The following HIBADH variants were observed in gnomAD, a reference collection of about 807,000 sequenced individuals.
HIBADH encodes 3-hydroxyisobutyrate dehydrogenase, also known as 3-hydroxyisobutyrate dehydrogenase, mitochondrial.
A neutral mutation model predicts 36.1 loss-of-function variants in HIBADH; 25 were observed. The observed-to-expected ratio is 0.69, with a 90% CI of 0.50 to 0.97. The LOEUF is 0.97. Among genes scored for constraint, HIBADH ranks in the 50% least tolerant of loss-of-function variants. The pLI, the probability that HIBADH is intolerant of heterozygous loss-of-function variation, is 0.00. For missense variants in HIBADH, 421 were observed against 418.0 expected, an observed-to-expected ratio of 1.01 and a Z score of -0.06; for synonymous variants, 160 against 149.5, an observed-to-expected ratio of 1.07 and a Z score of -0.51.
At position 27,659,240 on chromosome 7, in the gene HIBADH, C is replaced by T. The variant is rs139238237; in HGVS notation, c.91+3458G>A. On this transcript the variant is annotated intron_variant, in intron 1 of 7. Transcript: ENST00000265395. ...CCATGTACAAGCTGTAGAGTCACAA[C>T]GTGACATTTTGTAGAGGGCCTATAG... Among the ~76,000 whole-genome samples, 393 of 152,238 alleles carry T rather than the reference C, an allele frequency of 2.6e-3. 1 individual carries two copies. Among genetic ancestry groups the T allele is most frequent in the African/African-American group, 9.0e-3 (372 of 41,532 alleles).
chr7:27,597,014 T>C (rs1324576339), intron 4 of HIBADH, among the ~76,000 whole-genome samples: 2 of 152,106 alleles, frequency 1.3e-5, no homozygotes, highest in Non-Finnish European at 2.9e-5. Context: ...TTTTTTTAAA[T>C]ATTAAGGCAA....
At chr7:27,618,414 A>C (rs1333345752) in intron 4 of HIBADH, among the ~76,000 whole-genome samples, 1 of 152,214 alleles carries the variant, frequency 6.6e-6, no homozygotes, top group Non-Finnish European at 1.5e-5. Context: ...TATTGCAGCC[A>C]CAACCAGTAT....
intron 4 of HIBADH, among the ~76,000 whole-genome samples, chr7:27,602,829 C>T (rs1785154953): frequency 1.3e-5 from 2 of 152,148 alleles, no homozygotes; most frequent in African/African-American, 4.8e-5. Context: ...CTCTTTCCTA[C>T]TATGTTTCGC....
intron 4 of HIBADH, among the ~76,000 whole-genome samples, chr7:27,552,797 G>A (rs1418972252): frequency 6.6e-6 from 1 of 152,164 alleles, no homozygotes; most frequent in African/African-American, 2.4e-5. Context: ...AATAGGACAA[G>A]GAAAAGCTCA....
intron 4 of HIBADH, among the ~76,000 whole-genome samples, chr7:27,564,896 T>C (rs1377165551): frequency 7.9e-5 from 12 of 152,254 alleles, no homozygotes; most frequent in Non-Finnish European, 1.5e-5. Flanking sequence ...AATAATGTTT[T>C]AAATGTCAGT....
At chr7:27,611,760 ACT>A (rs1785325798) in intron 4 of HIBADH, among the ~76,000 whole-genome samples, 1 of 152,074 alleles carries the variant, frequency 6.6e-6, no homozygotes, top group Non-Finnish European at 1.5e-5. Flanking sequence ...AATTGAACAA[ACT>A]CTGAGTGAAA....
chr7:27,655,373 A>G (rs1198103671), intron 1 of HIBADH, among the ~76,000 whole-genome samples: 1 of 152,236 alleles, frequency 6.6e-6, no homozygotes, highest in Non-Finnish European at 1.5e-5. Flanking sequence ...CATTAGGGTT[A>G]AAGTGTCATG....
chr7:27,590,915 AAT>A (rs1491402447), intron 4 of HIBADH, among the ~76,000 whole-genome samples: 1 of 152,168 alleles, frequency 6.6e-6, no homozygotes, highest in African/African-American at 2.4e-5. Context: ...TCAATCCTTG[AAT>A]ATCTCCCTCA....
chr7:27,646,750 C>T (rs1475635369), intron 2 of HIBADH, among the ~76,000 whole-genome samples: 1 of 135,326 alleles, frequency 7.4e-6, no homozygotes, highest in Non-Finnish European at 1.5e-5. Flanking sequence ...GGCTGGACTG[C>T]AGTGGTGCAA....
chr7:27,542,339 C>T (rs1320648370), intron 5 of HIBADH, among the ~76,000 whole-genome samples: 1 of 150,402 alleles, frequency 6.6e-6, no homozygotes, highest in African/African-American at 2.4e-5. Context: ...AATAGCAACT[C>T]AGAAACAAGC....
At chr7:27,531,027 G>T (rs1783990161) in intron 7 of HIBADH, among the ~76,000 whole-genome samples, 165 bp downstream of exon 7, 1 of 151,974 alleles carries the variant, frequency 6.6e-6, no homozygotes, top group Non-Finnish European at 1.5e-5. Context: ...ACAAGATAAG[G>T]ATTTTCATCT....
chr7:27,580,603 TTA>T (rs1784773704), intron 4 of HIBADH, among the ~76,000 whole-genome samples: 1 of 152,172 alleles, frequency 6.6e-6, no homozygotes, highest in African/African-American at 2.4e-5. Flanking sequence ...GTACTGCAAT[TTA>T]TATCTTTTTT....
chr7:27,572,589 A>G (rs1429288930), intron 4 of HIBADH, among the ~76,000 whole-genome samples: 2 of 152,234 alleles, frequency 1.3e-5, no homozygotes, highest in African/African-American at 4.8e-5. Flanking sequence ...AACTACATAC[A>G]GCAGTCAATC....
intron 4 of HIBADH, among the ~76,000 whole-genome samples, chr7:27,550,213 T>C (rs183034366): frequency 6.6e-6 from 1 of 152,234 alleles, no homozygotes; most frequent in East Asian, 1.9e-4. Context: ...CCAGCCAGCA[T>C]TTCTTATATA....
intron 4 of HIBADH, among the ~76,000 whole-genome samples, chr7:27,582,717 GTA>G (rs1784810834): frequency 6.6e-6 from 1 of 152,076 alleles, no homozygotes; most frequent in Non-Finnish European, 1.5e-5. Flanking sequence ...GTTTCCCAGA[GTA>G]AGAAGCTGGG....
At chr7:27,662,337 T>C (rs966385877) in intron 1 of HIBADH, among the ~76,000 whole-genome samples, 12 of 151,936 alleles carry the variant, frequency 7.9e-5, no homozygotes, top group African/African-American at 2.4e-4. Context: ...TGAGTGCGGG[T>C]TGCTCCTGGA....
chr7:27,581,515 C>G (rs1231467158), intron 4 of HIBADH, among the ~76,000 whole-genome samples: 1 of 152,102 alleles, frequency 6.6e-6, no homozygotes, highest in African/African-American at 2.4e-5. Flanking sequence ...TTATTCAATT[C>G]CTTTTACGGA....
intron 7 of HIBADH, among the ~76,000 whole-genome samples, chr7:27,527,916 GC>G (rs1227629789): frequency 6.6e-4 from 20 of 30,150 alleles, no homozygotes; most frequent in Admixed American, 5.2e-3. Flanking sequence ...ACCACACCCA[GC>G]GTTTTTTTTT....
At chr7:27,624,471 T>C (rs1785604682) in intron 4 of HIBADH, among the ~76,000 whole-genome samples, 1 of 152,218 alleles carries the variant, frequency 6.6e-6, no homozygotes, top group African/African-American at 2.4e-5. Context: ...AAATATCAAC[T>C]TTATTGGCTG....
Sources: allele counts gnomAD v4.1 joint callset (sites outside exome capture counted in the v4.1 genomes callset), GRCh38; gene constraint gnomAD v4.1.1; transcripts MANE v1.5; gene names NCBI Gene and HGNC (gene_info 2026-07-23, HGNC 2026-07-21).